VRK2: variants seen among roughly 807,000 people sequenced by gnomAD.
VRK2 encodes VRK serine/threonine kinase 2, also known as serine/threonine-protein kinase VRK2.
A neutral mutation model predicts 57.6 loss-of-function variants in VRK2; 60 were observed. The observed-to-expected ratio is 1.04, with a 90% confidence interval of 0.85 to 1.29. The LOEUF (loss-of-function observed/expected upper bound fraction) is 1.29. VRK2 is among the 50% of genes most tolerant of loss of function. The pLI is 0.00. For missense variants in VRK2, 705 were observed against 588.1 expected (o/e 1.20, Z -2.06); for synonymous variants, 231 against 199.2 (o/e 1.16, Z -1.35).
intron 2 of VRK2, among the ~76,000 whole-genome samples, chr2:58,081,511 T>A (rs192996678): frequency 1.3e-5 from 2 of 152,112 alleles, no homozygotes; most frequent in African/African-American, 2.4e-5. Context: ...ATTGTTTAGA[T>A]GTTCTTTGTT....
chr2:57,987,840 A>G (rs1029049577), intron 1 of VRK2, among the ~76,000 whole-genome samples: 12 of 152,216 alleles, frequency 7.9e-5, no homozygotes, highest in Non-Finnish European at 1.2e-4. Context: ...CTCCTGATAC[A>G]TGTAATGACA....
chr2:58,052,831 G>A (rs948157657), intron 2 of VRK2, among the ~76,000 whole-genome samples: 1 of 152,122 alleles, frequency 6.6e-6, no homozygotes, highest in Non-Finnish European at 1.5e-5. Flanking sequence ...CATATAAGCT[G>A]TATTTAATCT....
chr2:58,089,641 T>C lies in VRK2; in HGVS notation c.461T>C (p.Leu154Pro). The C allele has an allele frequency of 6.3e-7, 1 of 1,591,556 alleles. No homozygotes were observed. The highest frequency in any genetic ancestry group is 8.6e-7 in the Non-Finnish European group (1 of 1,166,996). Residue 154 changes from leucine to proline, a missense_variant, in exon 7 of 13, where the codon CTG (leucine) becomes CCG (proline). Coordinates refer to ENST00000340157, the MANE Select transcript of VRK2 (RefSeq NM_006296.7). Reference sequence around the variant, plus strand: ...TATTTATTTTCACAGTTGGATGTACTGGAATATATACATGAAAATGAATAT... The same window carrying C: ...TATTTATTTTCACAGTTGGATGTACCGGAATATATACATGAAAATGAATAT... ...LQLGIRMLDV[L>P]EYIHENEYVH...
chr2:57,990,079 T>C (rs1672715457), intron 1 of VRK2, among the ~76,000 whole-genome samples: 1 of 152,176 alleles, frequency 6.6e-6, no homozygotes, highest in Non-Finnish European at 1.5e-5. Flanking sequence ...CTTTTTCCTA[T>C]TAAGAAAAAA....
At chr2:58,046,776 C>T (rs1030615960), upstream of VRK2, 2 of 985,468 alleles carry the variant, frequency 2.0e-6, no homozygotes, top group Non-Finnish European at 2.4e-6. Flanking sequence ...GGCCCGCCTC[C>T]CCGCGGGACT....
chr2:58,135,799 C>T (rs778970547), intron 10 of VRK2, among the ~76,000 whole-genome samples: 3 of 152,110 alleles, frequency 2.0e-5, no homozygotes, highest in East Asian at 1.9e-4. Context: ...TAAAATAGCA[C>T]GTCAACTAGT....
At chr2:58,139,964 C>T in intron 11 of VRK2, 132 bp downstream of exon 11, 1 of 931,252 alleles carries the variant, frequency 1.1e-6, no homozygotes, top group Non-Finnish European at 1.5e-6. Flanking sequence ...TTTTGCCTAA[C>T]TCAGCACCAA....
At chr2:58,062,820 T>C (rs532277982) in intron 2 of VRK2, among the ~76,000 whole-genome samples, 10 of 152,124 alleles carry the variant, frequency 6.6e-5, no homozygotes, top group Non-Finnish European at 1.3e-4. Context: ...AGTGCTGATG[T>C]AGAAGCTGCA....
intron 2 of VRK2, among the ~76,000 whole-genome samples, chr2:58,074,376 GT>G (rs571685535): frequency 1.3e-5 from 2 of 151,066 alleles, no homozygotes; most frequent in African/African-American, 2.4e-5. Context: ...TTTTTTATCT[GT>G]TTTTTTTGCC....
intron 1 of VRK2, among the ~76,000 whole-genome samples, chr2:57,993,950 A>G (rs1399430802): frequency 6.6e-6 from 1 of 152,256 alleles, no homozygotes; most frequent in East Asian, 1.9e-4. Context: ...TGAAGAGCTT[A>G]TGAAAGAAAG....
In VRK2 at chr2:58,094,457, TTC is replaced by T. The variant is rs368627444; in HGVS notation, c.543+4738_543+4739del. On this transcript the variant is annotated intron_variant, in intron 7 of 12. Transcript: ENST00000340157. ...GAATGGGAGTTCACTCATGATTTGG[TTC>T]TCTGTTTGCTGTTGGTGTATAAGAA... Among the ~76,000 whole-genome samples, 67 of 152,272 alleles carry T rather than the reference TTC, an allele frequency of 4.4e-4. 1 individual carries two copies. The East Asian group carries it at 0.011, about 25-fold the overall frequency.
chr2:58,147,135 C>T (rs775312684), intron 12 of VRK2: 3 of 517,272 alleles, frequency 5.8e-6, no homozygotes, highest in African/African-American at 1.9e-5. Context: ...CCTTGTATAC[C>T]CTACCTAATC....
intron 10 of VRK2, among the ~76,000 whole-genome samples, chr2:58,136,806 TA>T (rs1680104586): frequency 7.0e-6 from 1 of 143,020 alleles, no homozygotes; most frequent in South Asian, 2.1e-4. Context: ...TATATATGTG[TA>T]TATATATCAT....
intron 2 of VRK2, among the ~76,000 whole-genome samples, chr2:58,069,219 T>G (rs1372200356): frequency 6.6e-6 from 1 of 152,194 alleles, no homozygotes; most frequent in Non-Finnish European, 1.5e-5. Context: ...AACAGGTCTG[T>G]GTTTGGGGTA....
intron 2 of VRK2, among the ~76,000 whole-genome samples, chr2:58,062,204 G>T (rs1054266362): frequency 3.9e-5 from 6 of 151,934 alleles, no homozygotes; most frequent in Non-Finnish European, 2.9e-5. Context: ...ATTGCTTTGA[G>T]GAATCATGAA....
intron 1 of VRK2, among the ~76,000 whole-genome samples, chr2:57,959,140 T>C (rs1297735511): frequency 6.6e-6 from 1 of 152,210 alleles, no homozygotes; most frequent in East Asian, 1.9e-4. Context: ...AAAAAGTTTC[T>C]GAAATGCAGA....
At chr2:58,101,908 T>C (rs55925609) in intron 7 of VRK2, among the ~76,000 whole-genome samples, 3,900 of 151,754 alleles carry the variant, frequency 0.026, 167 homozygotes, top group African/African-American at 0.09. Flanking sequence ...CAATAAGTGA[T>C]GAGGGCACAA....
At chr2:57,939,201 CT>C (rs1051883489) in intron 1 of VRK2, among the ~76,000 whole-genome samples, 23 of 152,196 alleles carry the variant, frequency 1.5e-4, no homozygotes, top group Non-Finnish European at 2.9e-4. Context: ...CTTTACACCA[CT>C]TTATTTAAGC....
Position 58,158,919 on chromosome 2 carries a change from A to C in VRK2, c.1183-430A>C, listed in dbSNP as rs570955552. 1.3e-3 allele frequency among the ~76,000 whole-genome samples: 205 copies of C among 152,246 alleles called. 3 individuals carry two copies. The highest frequency in any genetic ancestry group is 3.4e-3 in the Middle Eastern group (1 of 294). ...CAGCCTCATCCTTTGCCCACTGTAC[A>C]GTGGACACTTCTCAGTTGCCATGGA... is the stretch of plus-strand genomic sequence containing the variant. On this transcript the variant is annotated intron_variant, in intron 12 of 12. Transcript: ENST00000340157.
Sources: gnomAD v4.1 joint callset for allele counts (sites outside exome capture counted in the v4.1 genomes callset) on GRCh38, gnomAD v4.1.1 for gene constraint, MANE v1.5 for transcripts, NCBI Gene and HGNC (gene_info 2026-07-23, HGNC 2026-07-21) for gene names.